The following ATF6B variants were observed in gnomAD, a reference collection of about 807,000 sequenced individuals.
ATF6B encodes activating transcription factor 6 beta.
Under a neutral mutation model 83.5 loss-of-function variants are expected in ATF6B, and 50 were observed. The ratio of observed to expected loss-of-function variants is 0.60; its 90% CI spans 0.48 to 0.76. The LOEUF (loss-of-function observed/expected upper bound fraction) is 0.76. ATF6B is among the 30% of genes least tolerant of loss of function. The pLI, the probability that ATF6B is intolerant of heterozygous loss-of-function variation, is 0.00. For synonymous variants in ATF6B, 344 were observed against 362.8 expected (o/e 0.95, Z 0.59); for missense variants, 790 against 893.8 (o/e 0.88, Z 1.48).
In ATF6B at chr6:32,126,127, A is replaced by G. The variant is rs768281246; in HGVS notation, c.468T>C (p.Asp156=). ...AGGCTGTTTTATTACCTGAGGAATCATCAGAGGTGGGGATAACGTTGATCT... is the reference window on the plus strand; with the variant it reads ...AGGCTGTTTTATTACCTGAGGAATCGTCAGAGGTGGGGATAACGTTGATCT... ...TVQINVIPTS[D]DSSDVQTKIE... Residue 156 remains aspartate, a synonymous_variant, in exon 5 of 18, where the codon GAT becomes GAC. Transcript: ENST00000375203. The G allele has an allele frequency of 1.7e-5, 27 of 1,614,168 alleles. No homozygotes were observed. Among genetic ancestry groups the G allele is most frequent in the Non-Finnish European group, 2.2e-5 (26 of 1,180,032 alleles).
Position 32,118,045 on chromosome 6 carries a change from A to G in ATF6B, c.1245-7T>C. On this transcript the variant is annotated splice_region_variant and splice_polypyrimidine_tract_variant and intron_variant, in intron 11 of 17. Transcript: ENST00000375203. The surrounding 1 kb of genome is among the most constrained non-coding windows in gnomAD (Gnocchi z 5.2). ...TGAAGGAGGCTCACTGATGCTGTGG[A>G]TAAAGAAGGACTGAGCACAATGAAG... is the stretch of plus-strand genomic sequence containing the variant. 1 of 1,614,188 alleles carries G rather than the reference A, an allele frequency of 6.2e-7. No homozygotes were observed. Among genetic ancestry groups the G allele is most frequent in the African/African-American group, 1.3e-5 (1 of 75,062 alleles).
At chr6:32,126,399 C>T in intron 4 of ATF6B, 147 bp from the exon 5 acceptor site, 1 of 985,474 alleles carries the variant, frequency 1.0e-6, no homozygotes. Context: ...ATGGTACTGA[C>T]CATCTTTCTA....
At chr6:32,124,475 C>A (rs1412206127) in intron 5 of ATF6B, among the ~76,000 whole-genome samples, 1 of 152,216 alleles carries the variant, frequency 6.6e-6, no homozygotes, top group Non-Finnish European at 1.5e-5. Flanking sequence ...GGTTCTCTTG[C>A]CTCTGGCCCT....
At chr6:32,123,100 T>A (rs1781828809) in intron 5 of ATF6B, among the ~76,000 whole-genome samples, 1 of 151,450 alleles carries the variant, frequency 6.6e-6, no homozygotes, top group Non-Finnish European at 1.5e-5. Flanking sequence ...TGGTGGCACG[T>A]GCCTGTAGTC....
intron 1 of ATF6B, 93 bp from the exon 2 acceptor site, chr6:32,127,843 C>A: frequency 1.4e-6 from 2 of 1,383,276 alleles, no homozygotes; most frequent in Non-Finnish European, 2.0e-6. Flanking sequence ...TGGCTCCGCT[C>A]GGCCAGACCC....
In ATF6B at chr6:32,115,480, C is replaced by A. The variant is rs565420572; in HGVS notation, c.*259G>T. The A allele has an allele frequency of 4.8e-6, 2 of 414,180 alleles. No homozygotes were observed. Among genetic ancestry groups the A allele is most frequent in the Non-Finnish European group, 8.5e-6 (2 of 235,956 alleles). 25.7% of individuals were successfully genotyped at this position (414,180 alleles called of 1,614,324 possible). ...AAAATATGCAGCAGCTCACCACCCA[C>A]CCCACAACTGAACCTCACACAATCC... On this transcript the variant is annotated 3_prime_UTR_variant, in exon 18 of 18. Coordinates refer to ENST00000375203, the MANE Select transcript of ATF6B (RefSeq NM_004381.5).
At chr6:32,127,611 C>T in intron 2 of ATF6B, 60 bp downstream of exon 2, 1 of 1,611,984 alleles carries the variant, frequency 6.2e-7, no homozygotes, top group Non-Finnish European at 8.5e-7. Context: ...GTGAATGGGT[C>T]CAGGTTCTGG....
rs1562901452 is a variant in ATF6B at position 32,116,326 on chromosome 6, G to A, written c.1882+154C>T. ...CCCTTGTCTCCCTCCCAAGTCTCCTGCATGGTGCTCTTCCCTCCACCTACT... is the reference window on the plus strand; with the variant it reads ...CCCTTGTCTCCCTCCCAAGTCTCCTACATGGTGCTCTTCCCTCCACCTACT... On this transcript the variant is annotated intron_variant, in intron 17 of 17. Transcript: ENST00000375203. This position sits in a 1 kb window ranked among gnomAD's most constrained non-coding sequence, Gnocchi z 5.1. Among the ~76,000 whole-genome samples the A allele has an allele frequency of 6.6e-6, 1 of 152,120 alleles. No individual in the cohort carries two copies. The highest frequency in any genetic ancestry group is 2.4e-5 in the African/African-American group (1 of 41,420).
Position 32,120,191 on chromosome 6 carries a change from G to GATCACT in ATF6B, c.833-235_833-234insAGTGAT, listed in dbSNP as rs1248210799. 212 of 331,186 alleles carry GATCACT rather than the reference G, an allele frequency of 6.4e-4. 1 individual carries two copies. Among genetic ancestry groups the GATCACT allele is most frequent in the Non-Finnish European group, 1.0e-3 (193 of 184,234 alleles). The allele number at this position is 331,186 out of a possible 1,614,324, so 20.5% of individuals were successfully genotyped here. On this transcript the variant is annotated intron_variant, in intron 8 of 17. Transcript: ENST00000375203. ...CGGCTCACTGCAAGCTCCGCCTCCC[G>GATCACT]GGTTCACGCCATTCTCCTGCCTCAG... is the stretch of plus-strand genomic sequence containing the variant.
In ATF6B at chr6:32,116,075, AG is replaced by A. The variant is rs1413612278; in HGVS notation, c.1883-108del. On this transcript the variant is annotated intron_variant, in intron 17 of 17. Transcript: ENST00000375203. This position sits in a 1 kb window ranked among gnomAD's most constrained non-coding sequence, Gnocchi z 5.1. ...TAGAGGTGAGCAGAGAGAAAAAGAAAGGGCAATAGTGAGGAGGCAGATCCAT... is the reference window on the plus strand; with the variant it reads ...TAGAGGTGAGCAGAGAGAAAAAGAAAGGCAATAGTGAGGAGGCAGATCCAT... The A allele has an allele frequency of 1.2e-6, 1 of 810,944 alleles. No homozygotes were observed. Among genetic ancestry groups the A allele is most frequent in the Non-Finnish European group, 1.9e-6 (1 of 514,084 alleles). 50.2% of individuals were successfully genotyped at this position (810,944 alleles called of 1,614,324 possible).
In ATF6B at chr6:32,120,809, G is replaced by C; in HGVS notation, c.794C>G (p.Thr265Ser). 6.2e-7 allele frequency: 1 copy of C among 1,610,726 alleles called. No individual in the cohort carries two copies. The highest frequency in any genetic ancestry group is 8.5e-7 in the Non-Finnish European group (1 of 1,178,222). Reference protein sequence around the residue: ...PMPSRAVPPSTTVLLQSLVQP... With the variant: ...PMPSRAVPPSSTVLLQSLVQP... ...GACGAGGGACTGCAGAAGGACTGTG[G>C]TGCTGGGAGGCACAGCTCTGGATGG... Residue 265 changes from threonine to serine, a missense_variant, in exon 8 of 18, where the codon ACC (threonine) becomes AGC (serine). Transcript: ENST00000375203.
At position 32,117,869 on chromosome 6, in the gene ATF6B, G is replaced by A; in HGVS notation, c.1414C>T (p.Pro472Ser). ...KEPQPSPTDQPSFSNLTAFPG... is the reference protein window; with the variant it reads ...KEPQPSPTDQSSFSNLTAFPG... ...TCTCTCTCTCCTCACCTGAAACTGG[G>A]CTGGTCTGTGGGGCTGGGCTGGGGC... Residue 472 changes from proline (P) to serine (S), a missense_variant, in exon 12 of 18, where the codon CCC becomes TCC. By Grantham distance (74) the Pro-to-Ser change is moderately conservative. Transcript: ENST00000375203. The surrounding 1 kb of genome is among the most constrained non-coding windows in gnomAD (Gnocchi z 5.0). 6.4e-7 allele frequency: 1 copy of A among 1,566,220 alleles called. No homozygotes were observed. Among genetic ancestry groups the A allele is most frequent in the Non-Finnish European group, 8.6e-7 (1 of 1,159,512 alleles).
In ATF6B at chr6:32,119,921, A is replaced by T; in HGVS notation, c.869T>A (p.Val290Asp). 1 of 1,613,958 alleles carries T rather than the reference A, an allele frequency of 6.2e-7. No homozygotes were observed. The highest frequency in any genetic ancestry group is 8.5e-7 in the Non-Finnish European group (1 of 1,179,984). Residue 290 changes from valine (V) to aspartate (D), a missense_variant, in exon 9 of 18, where the codon GTC becomes GAC. Transcript: ENST00000375203. This position sits in a 1 kb window ranked among gnomAD's most constrained non-coding sequence, Gnocchi z 4.9. ...PVVLIQGAIRVQPEGPAPSLP... is the reference protein window; with the variant it reads ...PVVLIQGAIRDQPEGPAPSLP... Reference sequence around the variant, plus strand: ...AGAGGGAGCCGGCCCTTCAGGCTGGACTCGAATAGCACCCTGGATGAGGAC... The same window carrying T: ...AGAGGGAGCCGGCCCTTCAGGCTGGTCTCGAATAGCACCCTGGATGAGGAC...
At chr6:32,120,717 C>T (rs1341130483) in intron 8 of ATF6B, 54 bp downstream of exon 8, 1 of 1,590,436 alleles carries the variant, frequency 6.3e-7, no homozygotes, top group Admixed American at 1.8e-5. Flanking sequence ...TCCCAAAGTG[C>T]TGGGATTACC....
intron 1 of ATF6B, 114 bp from the exon 2 acceptor site, chr6:32,127,864 C>G: frequency 8.1e-7 from 1 of 1,235,868 alleles, no homozygotes. Context: ...ACCGCCCGCC[C>G]ACTTGAAAAG....
At chr6:32,120,246 C>A (rs772544942) in intron 8 of ATF6B, 9 of 217,810 alleles carry the variant, frequency 4.1e-5, no homozygotes, top group Non-Finnish European at 6.4e-5. Context: ...TACAGACGCA[C>A]GCCACCACGC....
chr6:32,118,624 G>A lies in ATF6B; in HGVS notation c.1244+151C>T. 1.4e-6 allele frequency: 1 copy of A among 740,486 alleles called. No individual in the cohort carries two copies. The highest frequency in any genetic ancestry group is 2.2e-6 in the Non-Finnish European group (1 of 449,772). 45.9% of individuals were successfully genotyped at this position (740,486 alleles called of 1,614,324 possible). On this transcript the variant is annotated intron_variant, in intron 11 of 17. Coordinates refer to ENST00000375203, the MANE Select transcript of ATF6B (RefSeq NM_004381.5). This position sits in a 1 kb window ranked among gnomAD's most constrained non-coding sequence, Gnocchi z 5.2. ...GAAAAAAAGACAAATAATGGAGCAG[G>A]AAGGGGCTGGCCAGACACATCATCG...
chr6:32,119,917 C>G lies in ATF6B; in HGVS notation c.873G>C (p.Gln291His). 2.5e-6 allele frequency: 4 copies of G among 1,614,130 alleles called. No homozygotes were observed. Among genetic ancestry groups the G allele is most frequent in the Non-Finnish European group, 3.4e-6 (4 of 1,180,020 alleles). ...GTAGAGAGGGAGCCGGCCCTTCAGGCTGGACTCGAATAGCACCCTGGATGA... is the reference window on the plus strand; with the variant it reads ...GTAGAGAGGGAGCCGGCCCTTCAGGGTGGACTCGAATAGCACCCTGGATGA... ...VVLIQGAIRVQPEGPAPSLPR... is the reference protein window; with the variant it reads ...VVLIQGAIRVHPEGPAPSLPR... Residue 291 changes from glutamine to histidine, a missense_variant, in exon 9 of 18, where the codon CAG (glutamine) becomes CAC (histidine). Coordinates refer to ENST00000375203, the MANE Select transcript of ATF6B (RefSeq NM_004381.5). The surrounding 1 kb of genome is among the most constrained non-coding windows in gnomAD (Gnocchi z 4.9).
intron 5 of ATF6B, among the ~76,000 whole-genome samples, chr6:32,124,875 T>C (rs1220317841): frequency 6.6e-6 from 1 of 150,786 alleles, no homozygotes; most frequent in African/African-American, 2.4e-5. Flanking sequence ...CCAGACGGAG[T>C]CTTGCTCTTT....
Sources: allele counts gnomAD v4.1 joint callset (sites outside exome capture counted in the v4.1 genomes callset), GRCh38; gene constraint gnomAD v4.1.1; non-coding constraint Gnocchi (gnomAD v3.1); transcripts MANE v1.5; gene names NCBI Gene and HGNC (gene_info 2026-07-23, HGNC 2026-07-21).